Variants in SECISBP2 observed in about 807,000 individuals in gnomAD.
SECISBP2 encodes SECIS binding protein 2.
SECISBP2 carries 96 observed loss-of-function variants against 98.2 expected under a neutral mutation model. That is an observed-to-expected ratio of 0.98 (90% CI 0.83 to 1.16). SECISBP2 has a LOEUF of 1.16. Ranked by LOEUF, SECISBP2 falls within the 50% of genes most tolerant of loss-of-function variation. The probability of loss-of-function intolerance (pLI) is 0.00; values close to 1 mark genes in which losing one functional copy is unlikely to be tolerated. For synonymous variants in SECISBP2, 407 were observed against 370.2 expected (o/e 1.10, Z -1.14); for missense variants, 1,046 against 1,022.9 (o/e 1.02, Z -0.31).
chr9:89,350,507 G>T, intron 13 of SECISBP2, 125 bp from the exon 14 acceptor site: 1 of 845,302 alleles, frequency 1.2e-6, no homozygotes, highest in South Asian at 1.3e-5. Flanking sequence ...CTGGTTAGTA[G>T]TACTTGTTGA....
At chr9:89,328,985 C>G (rs556295927) in intron 5 of SECISBP2, 99 bp downstream of exon 5, 3 of 993,260 alleles carry the variant, frequency 3.0e-6, no homozygotes, top group Non-Finnish European at 4.7e-6. Flanking sequence ...GCTTTGATGT[C>G]CATGGAGCTG....
chr9:89,338,388 GA>G, intron 7 of SECISBP2, 69 bp from the exon 8 acceptor site: 2 of 1,543,580 alleles, frequency 1.3e-6, no homozygotes, highest in Non-Finnish European at 1.8e-6. Context: ...TAATTTTGTT[GA>G]TACATAGTAT....
At chr9:89,325,354 A>G in intron 2 of SECISBP2, 73 bp from the exon 3 acceptor site, 2 of 1,370,488 alleles carry the variant, frequency 1.5e-6, no homozygotes, top group South Asian at 2.3e-5. Flanking sequence ...TTCAGTTTGA[A>G]TTAGTTTATT....
intron 14 of SECISBP2, chr9:89,354,924 G>A (rs943231947): frequency 1.0e-5 from 10 of 985,242 alleles, no homozygotes; most frequent in African/African-American, 5.2e-5. Context: ...TCAGGAATAC[G>A]GAACACTCCA....
intron 5 of SECISBP2, 192 bp from the exon 6 acceptor site, chr9:89,332,716 A>G: frequency 3.3e-6 from 2 of 608,550 alleles, no homozygotes; most frequent in South Asian, 3.9e-5. Context: ...ATCATATGGT[A>G]AGAGTATGGT....
chr9:89,346,743 A>G, intron 10 of SECISBP2, 139 bp from the exon 11 acceptor site: 1 of 829,038 alleles, frequency 1.2e-6, no homozygotes, highest in South Asian at 1.4e-5. Context: ...AAAGATGAGA[A>G]GGGTTGTGGG....
chr9:89,321,014 GTTGTC>G (rs1050675025), intron 2 of SECISBP2, among the ~76,000 whole-genome samples: 32 of 152,318 alleles, frequency 2.1e-4, no homozygotes, highest in African/African-American at 7.2e-4. Context: ...AAATGATTGA[GTTGTC>G]TTTTGTGTTT....
At chr9:89,354,049 A>G (rs1831691911) in intron 14 of SECISBP2, among the ~76,000 whole-genome samples, 1 of 152,258 alleles carries the variant, frequency 6.6e-6, no homozygotes, top group Admixed American at 6.5e-5. Flanking sequence ...ATTTAACCTA[A>G]TAATTCTGAA....
intron 2 of SECISBP2, chr9:89,323,126 A>G (rs1826090210): frequency 6.6e-6 from 1 of 152,202 alleles, no homozygotes. Context: ...ATACATGGAA[A>G]TAATTGTAGG....
intron 14 of SECISBP2, chr9:89,355,038 C>G: frequency 1.0e-6 from 1 of 985,360 alleles, no homozygotes; most frequent in East Asian, 1.1e-4. Context: ...TTTGCAAATG[C>G]TTTGGGTAGA....
chr9:89,332,500 T>G (rs971531682), intron 5 of SECISBP2: 1 of 259,230 alleles, frequency 3.9e-6, no homozygotes, highest in Non-Finnish European at 7.5e-6. Context: ...CAGCCCCTGC[T>G]AACTACTATC....
chr9:89,347,000 G>T lies in SECISBP2; in HGVS notation c.1554G>T (p.Gly518=). The T allele has an allele frequency of 6.2e-7, 1 of 1,614,194 alleles. No homozygotes were observed. Among genetic ancestry groups the T allele is most frequent in the Non-Finnish European group, 8.5e-7 (1 of 1,180,026 alleles). The change falls in exon 11 of 17, where the codon GGG becomes GGT. Residue 518 remains glycine, a synonymous_variant. Transcript: ENST00000375807. The part of the protein sequence containing the change: ...LDSSAPLMKK[G]KQREIPKAKK... ...CCAGCGCCCCACTGATGAAGAAAGG[G>T]AAGCAGAGGGAGATCCCCAAGGCCA...
downstream of SECISBP2, chr9:89,361,194 A>G (rs1407760570): frequency 6.6e-6 from 1 of 152,316 alleles, no homozygotes; most frequent in East Asian, 1.9e-4. Flanking sequence ...CGGAGGGGGA[A>G]CGTGTGGAGA....
the SECISBP2 span, among the ~76,000 whole-genome samples, chr9:89,366,175 T>A: frequency 6.6e-6 from 1 of 152,146 alleles, no homozygotes; most frequent in South Asian, 2.1e-4. Flanking sequence ...AAACAATATC[T>A]AGGAATGTGT....
intron 4 of SECISBP2, among the ~76,000 whole-genome samples, chr9:89,327,110 C>T (rs531620618): frequency 2.4e-4 from 37 of 151,350 alleles, no homozygotes; most frequent in African/African-American, 8.5e-4. Flanking sequence ...TGCAGTGAGC[C>T]GAGATCAAGC....
chr9:89,326,116 GT>G (rs1826660375), intron 4 of SECISBP2, 78 bp downstream of exon 4: 1 of 1,536,812 alleles, frequency 6.5e-7, no homozygotes, highest in African/African-American at 1.4e-5. Flanking sequence ...GTATACAGCT[GT>G]TTCTATGGGC....
At chr9:89,333,427 T>G (rs1828084334) in intron 6 of SECISBP2, among the ~76,000 whole-genome samples, 1 of 152,220 alleles carries the variant, frequency 6.6e-6, no homozygotes, top group Non-Finnish European at 1.5e-5. Context: ...GATAGCATAT[T>G]TTTAGGAAAA....
chr9:89,321,393 G>A (rs1587839474), intron 2 of SECISBP2, among the ~76,000 whole-genome samples: 1 of 152,232 alleles, frequency 6.6e-6, no homozygotes, highest in East Asian at 1.9e-4. Flanking sequence ...TTGGCCGGGT[G>A]TGGTGGCTCA....
intron 14 of SECISBP2, chr9:89,355,215 A>G (rs1406608203): frequency 5.1e-6 from 5 of 985,312 alleles, no homozygotes; most frequent in South Asian, 9.4e-5. Context: ...TCCAGGTGAT[A>G]CTATGCTAAT....
Sources: allele counts gnomAD v4.1 joint callset (sites outside exome capture counted in the v4.1 genomes callset), GRCh38; gene constraint gnomAD v4.1.1; transcripts MANE v1.5; gene names NCBI Gene and HGNC (gene_info 2026-07-23, HGNC 2026-07-21).